Variants in KCNMA1 observed in about 807,000 individuals in gnomAD.
KCNMA1 encodes Calcium-activated potassium channel subunit alpha-1.
Under a neutral mutation model 140.0 loss-of-function variants are expected in KCNMA1, and 29 were observed. The ratio of observed to expected loss-of-function variants is 0.21; its 90% CI spans 0.15 to 0.28. The LOEUF is 0.28. Among genes scored for constraint, KCNMA1 ranks in the 10% least tolerant of loss-of-function variants. The pLI, the probability that KCNMA1 is intolerant of heterozygous loss-of-function variation, is 1.00. For missense variants in KCNMA1, 880 were observed against 1,602.2 expected (o/e 0.55, Z 7.70); for synonymous variants, 612 against 611.9 (o/e 1.00, Z 0.00).
At chr10:77,208,927 A>G (rs182587432) in intron 3 of KCNMA1, among the ~76,000 whole-genome samples, 329 of 152,280 alleles carry the variant, frequency 2.2e-3, no homozygotes, top group Non-Finnish European at 3.2e-3. Flanking sequence ...ATGCTGAGCA[A>G]TGCTGGTGTT....
At chr10:77,150,059 T>C (rs2098390560) in intron 5 of KCNMA1, 1 of 152,152 alleles carries the variant, frequency 6.6e-6, no homozygotes, top group African/African-American at 2.4e-5. Flanking sequence ...TCTGCCACAA[T>C]ATGATTTATA....
intron 16 of KCNMA1, chr10:77,025,370 G>T: frequency 8.4e-7 from 1 of 1,184,976 alleles, no homozygotes; most frequent in Non-Finnish European, 1.2e-6. Context: ...TGAATTCTTG[G>T]CAAATGGTTA....
At chr10:77,277,606 C>T (rs1476259507) in intron 2 of KCNMA1, among the ~76,000 whole-genome samples, 1 of 152,154 alleles carries the variant, frequency 6.6e-6, no homozygotes, top group East Asian at 1.9e-4. Flanking sequence ...AAATGACCTT[C>T]CCCAGGGGGC....
chr10:77,445,365 GAC>G (rs33995063), intron 1 of KCNMA1, among the ~76,000 whole-genome samples: 21,431 of 140,650 alleles, frequency 0.15, 1,650 homozygotes, highest in African/African-American at 0.23. Context: ...CACATACACA[GAC>G]ACACACACAC....
intron 3 of KCNMA1, among the ~76,000 whole-genome samples, chr10:77,199,226 T>A (rs2041692505): frequency 1.3e-5 from 2 of 152,240 alleles, no homozygotes; most frequent in Admixed American, 6.5e-5. Flanking sequence ...AACATAATAG[T>A]CTGTACATTC....
At chr10:76,948,036 G>T (rs2064853296) in intron 22 of KCNMA1, among the ~76,000 whole-genome samples, 1 of 152,026 alleles carries the variant, frequency 6.6e-6, no homozygotes, top group Non-Finnish European at 1.5e-5. Context: ...GCAGGCTCTT[G>T]TTCTGTTGCC....
At chr10:77,489,288 A>G (rs1241316794) in intron 1 of KCNMA1, among the ~76,000 whole-genome samples, 1 of 152,192 alleles carries the variant, frequency 6.6e-6, no homozygotes, top group Non-Finnish European at 1.5e-5. Context: ...CTGAAATTCA[A>G]ATGTAACTGG....
intron 1 of KCNMA1, among the ~76,000 whole-genome samples, chr10:77,507,994 AG>A (rs1276704053): frequency 1.3e-5 from 2 of 152,244 alleles, no homozygotes; most frequent in Non-Finnish European, 2.9e-5. Flanking sequence ...GAGATGGTTA[AG>A]TAAACTGCAG....
chr10:77,134,710 G>A (rs2097946995), intron 5 of KCNMA1, among the ~76,000 whole-genome samples: 1 of 152,100 alleles, frequency 6.6e-6, no homozygotes, highest in Admixed American at 6.5e-5. Flanking sequence ...TCAACCGAGT[G>A]AAGAGAGGCG....
chr10:77,183,144 A>T (rs2098816270), intron 5 of KCNMA1, among the ~76,000 whole-genome samples: 1 of 152,152 alleles, frequency 6.6e-6, no homozygotes, highest in Non-Finnish European at 1.5e-5. Context: ...AAAGTGACAG[A>T]ACCATGAACA....
At chr10:77,442,699 TTC>T (rs1169167966) in intron 1 of KCNMA1, among the ~76,000 whole-genome samples, 1 of 152,066 alleles carries the variant, frequency 6.6e-6, no homozygotes, top group Non-Finnish European at 1.5e-5. Flanking sequence ...CTGGCAGCTT[TTC>T]TCTGAGTCCA....
chr10:77,466,981 A>G (rs913088948), intron 1 of KCNMA1, among the ~76,000 whole-genome samples: 2 of 152,128 alleles, frequency 1.3e-5, no homozygotes, highest in Non-Finnish European at 1.5e-5. Context: ...AAAAAGAAAA[A>G]GTAGAGAAAA....
intron 2 of KCNMA1, among the ~76,000 whole-genome samples, chr10:77,256,591 C>T (rs1345178704): frequency 6.6e-6 from 1 of 152,146 alleles, no homozygotes; most frequent in Admixed American, 6.5e-5. Context: ...CTTAGAGAAT[C>T]GTGCTAGGAG....
chr10:77,085,647 T>C (rs1449275228), intron 11 of KCNMA1, among the ~76,000 whole-genome samples: 1 of 152,214 alleles, frequency 6.6e-6, no homozygotes. Flanking sequence ...CTCCGTGGTA[T>C]GTCACAAATC....
intron 2 of KCNMA1, among the ~76,000 whole-genome samples, chr10:77,389,633 A>G (rs35783): frequency 0.61 from 92,528 of 151,948 alleles, 28,530 homozygotes; most frequent in Non-Finnish European, 0.64. Context: ...CAACTGAGGA[A>G]GGTTCCAAAA....
At chr10:77,561,677 T>C (rs1371666601) in intron 1 of KCNMA1, among the ~76,000 whole-genome samples, 3 of 152,140 alleles carry the variant, frequency 2.0e-5, no homozygotes, top group Non-Finnish European at 4.4e-5. Context: ...GTCCATGACC[T>C]TCACAAGGGG....
At chr10:77,478,624 T>C (rs2154530806) in intron 1 of KCNMA1, among the ~76,000 whole-genome samples, 1 of 152,156 alleles carries the variant, frequency 6.6e-6, no homozygotes, top group East Asian at 1.9e-4. Context: ...TAAAAAAGAG[T>C]ATCACAAAAC....
chr10:77,493,769 A>G (rs1241850439), intron 1 of KCNMA1: 1 of 152,184 alleles, frequency 6.6e-6, no homozygotes, highest in Non-Finnish European at 1.5e-5. Context: ...CCCTTGTGGG[A>G]AAATTGAGGG....
At chr10:77,387,323 C>T (rs2095637848) in intron 2 of KCNMA1, among the ~76,000 whole-genome samples, 2 of 152,184 alleles carry the variant, frequency 1.3e-5, no homozygotes, top group Admixed American at 6.5e-5. Context: ...CTAACCTATG[C>T]AGCTGGGGTA....
Sources: allele counts gnomAD v4.1 joint callset (sites outside exome capture counted in the v4.1 genomes callset), GRCh38; gene constraint gnomAD v4.1.1; transcripts MANE v1.5; gene names NCBI Gene and HGNC (gene_info 2026-07-23, HGNC 2026-07-21).